Variants in ABLIM1 observed in about 807,000 individuals in gnomAD.
ABLIM1 encodes actin-binding LIM protein 1.
A neutral mutation model predicts 107.0 loss-of-function variants in ABLIM1; 40 were observed. The observed-to-expected ratio is 0.37, with a 90% CI of 0.29 to 0.49. The LOEUF is 0.49. Among genes scored for constraint, ABLIM1 ranks in the 20% least tolerant of loss-of-function variants. The pLI is 0.97. For missense variants in ABLIM1, 857 were observed against 1,008.5 expected (o/e 0.85, Z 2.04); for synonymous variants, 357 against 357.3 (o/e 1.00, Z 0.01).
At chr10:114,759,736 C>T (rs770979259) in intron 1 of ABLIM1, among the ~76,000 whole-genome samples, 2 of 152,072 alleles carry the variant, frequency 1.3e-5, no homozygotes, top group African/African-American at 2.4e-5. Context: ...GATCAAAAGT[C>T]GATCTTTTAA....
intron 7 of ABLIM1, among the ~76,000 whole-genome samples, chr10:114,491,006 G>GTATATATATATA (rs759409911): frequency 5.1e-5 from 3 of 59,246 alleles, no homozygotes; most frequent in African/African-American, 2.8e-4. Context: ...GTGTGTGTGT[G>GTATATATATATA]TGTGTGTATA....
intron 1 of ABLIM1, among the ~76,000 whole-genome samples, chr10:114,646,232 T>G (rs1022149711): frequency 6.6e-6 from 1 of 152,186 alleles, no homozygotes; most frequent in African/African-American, 2.4e-5. Context: ...TAACGTATAC[T>G]AAGAGCACTG....
rs749527326 is a variant in ABLIM1 at position 114,439,211 on chromosome 10, G to A, written c.2107C>T (p.Arg703Ter). Reference protein sequence around the residue: ...DGHMPAMRMDRGVSMPNMLEP... With the variant: ...DGHMPAMRMD ...AACATGTTGGGCATAGACACTCCTC[G>A]GTCCATTCTCATTGCAGGCATGTGG... Residue 703 changes from arginine (R) to a stop codon, truncating the protein, a stop_gained, in exon 21 of 23, where the codon CGA becomes TGA. Coordinates refer to ENST00000533213, the MANE Select transcript of ABLIM1 (RefSeq NM_002313.7). LOFTEE classifies it high-confidence loss of function. 11 of 1,614,072 alleles carry A rather than the reference G, an allele frequency of 6.8e-6. No homozygotes were observed. The highest frequency in any genetic ancestry group is 8.5e-6 in the Non-Finnish European group (10 of 1,180,048).
chr10:114,798,464 G>C, the ABLIM1 span, among the ~76,000 whole-genome samples: 1 of 150,926 alleles, frequency 6.6e-6, no homozygotes, highest in Non-Finnish European at 1.5e-5. Flanking sequence ...GGGCACAGTG[G>C]CTCACACCTG....
intron 1 of ABLIM1, among the ~76,000 whole-genome samples, chr10:114,755,519 A>T (rs2082610759): frequency 6.6e-6 from 1 of 152,206 alleles, no homozygotes; most frequent in African/African-American, 2.4e-5. Context: ...ATGTGGTGCT[A>T]AAAGCTCTCC....
chr10:114,658,850 T>A (rs935519945), upstream of ABLIM1, among the ~76,000 whole-genome samples: 1 of 152,252 alleles, frequency 6.6e-6, no homozygotes, highest in African/African-American at 2.4e-5. Flanking sequence ...TAATGTTTCA[T>A]GGGTTTTCTG....
chr10:114,640,031 A>G (rs1024901730), intron 1 of ABLIM1, among the ~76,000 whole-genome samples: 1 of 152,216 alleles, frequency 6.6e-6, no homozygotes, highest in African/African-American at 2.4e-5. Context: ...GGAAATACAA[A>G]CAACCAAGAA....
chr10:114,624,160 A>C (rs983226926), intron 1 of ABLIM1, among the ~76,000 whole-genome samples: 3 of 152,198 alleles, frequency 2.0e-5, no homozygotes, highest in African/African-American at 7.2e-5. Context: ...ACTCAACCAC[A>C]ATGGGAAGAA....
chr10:114,679,118 A>G (rs930983625), intron 1 of ABLIM1, among the ~76,000 whole-genome samples: 1 of 152,228 alleles, frequency 6.6e-6, no homozygotes, highest in East Asian at 1.9e-4. Context: ...ATATTTCTAC[A>G]TGCTGTCTTG....
At chr10:114,530,987 TA>T (rs1195881425) in intron 6 of ABLIM1, among the ~76,000 whole-genome samples, 6 of 152,306 alleles carry the variant, frequency 3.9e-5, no homozygotes, top group Admixed American at 3.3e-4. Context: ...AGATGCCTGG[TA>T]AAAAAGTAAT....
intron 1 of ABLIM1, among the ~76,000 whole-genome samples, chr10:114,766,728 T>C (rs920296119): frequency 5.9e-5 from 9 of 152,212 alleles, no homozygotes; most frequent in African/African-American, 2.2e-4. Flanking sequence ...ATATGTTCCT[T>C]GTGGTACTTA....
upstream of ABLIM1, among the ~76,000 whole-genome samples, chr10:114,769,150 A>T (rs1317610330): frequency 7.3e-6 from 1 of 136,994 alleles, no homozygotes; most frequent in Non-Finnish European, 1.5e-5. Context: ...CTTGGCCAAC[A>T]TGGTGAAACA....
chr10:114,717,746 C>G (rs1591876764), intron 1 of ABLIM1, among the ~76,000 whole-genome samples: 1 of 151,816 alleles, frequency 6.6e-6, no homozygotes, highest in Non-Finnish European at 1.5e-5. Flanking sequence ...AAAACCCTGT[C>G]TCTACAAAAA....
chr10:114,783,269 G>A, the ABLIM1 span, among the ~76,000 whole-genome samples: 13 of 149,720 alleles, frequency 8.7e-5, no homozygotes, highest in East Asian at 7.8e-4. Context: ...GTGAGACTCC[G>A]TCTCAAAAAT....
At position 114,468,173 on chromosome 10, in the gene ABLIM1, GTACT is replaced by G. The variant is rs1382674860; in HGVS notation, c.1311+4_1311+7del. 6.2e-7 allele frequency: 1 copy of G among 1,611,350 alleles called. No homozygotes were observed. ...CCCATTAAAATGATAAAAAGAAATGGTACTTACTTCTGCTGATGGAGTAGGAGAC... is the reference window on the plus strand; with the variant it reads ...CCCATTAAAATGATAAAAAGAAATGGTACTTCTGCTGATGGAGTAGGAGAC... On this transcript the variant is annotated splice_donor_5th_base_variant and intron_variant, in intron 11 of 22. Transcript: ENST00000533213.
chr10:114,634,187 C>T (rs1178016087), intron 1 of ABLIM1, among the ~76,000 whole-genome samples: 1 of 117,016 alleles, frequency 8.5e-6, no homozygotes. Flanking sequence ...GGCTGGAGTG[C>T]AGTGGCGCGA....
chr10:114,479,869 T>A (rs11812110), intron 8 of ABLIM1, among the ~76,000 whole-genome samples: 13,486 of 152,316 alleles, frequency 0.089, 651 homozygotes, highest in African/African-American at 0.12. Context: ...TAACATCTTG[T>A]TTATTAAAAG....
At chr10:114,742,248 C>T (rs2082302612) in intron 1 of ABLIM1, among the ~76,000 whole-genome samples, 1 of 152,112 alleles carries the variant, frequency 6.6e-6, no homozygotes, top group Non-Finnish European at 1.5e-5. Flanking sequence ...TTAAGTATCC[C>T]TTGAAAGACC....
chr10:114,722,754 T>C (rs1406838422), intron 1 of ABLIM1, among the ~76,000 whole-genome samples: 1 of 152,252 alleles, frequency 6.6e-6, no homozygotes, highest in Non-Finnish European at 1.5e-5. Context: ...CCTGGGCAGA[T>C]GCAGAGCCAT....
Sources: gnomAD v4.1 joint callset for allele counts (sites outside exome capture counted in the v4.1 genomes callset) on GRCh38, gnomAD v4.1.1 for gene constraint, MANE v1.5 for transcripts, NCBI Gene and HGNC (gene_info 2026-07-23, HGNC 2026-07-21) for gene names.